Variants in GULP1 observed in about 807,000 individuals in gnomAD.
The protein encoded by GULP1 is GULP PTB domain containing engulfment adaptor 1.
In GULP1, 19 loss-of-function variants were observed where a neutral mutation model predicts 40.9. That is an observed-to-expected ratio of 0.46 (90% CI 0.32 to 0.68). GULP1 has a LOEUF of 0.68. Among genes scored for constraint, GULP1 ranks in the 30% least tolerant of loss-of-function variants. GULP1 has a pLI of 0.03. For synonymous variants in GULP1, 119 were observed against 117.6 expected, an observed-to-expected ratio of 1.01 and a Z score of -0.08; for missense variants, 312 against 362.2, an observed-to-expected ratio of 0.86 and a Z score of 1.12.
chr2:188,595,849 G>A lies in GULP1; in HGVS notation c.*1838G>A, dbSNP rs993012454. The A allele has an allele frequency of 1.3e-5, 2 of 152,190 alleles. No homozygotes were observed. Among genetic ancestry groups the A allele is most frequent in the African/African-American group, 4.8e-5 (2 of 41,398 alleles). The allele number at this position is 152,190 out of a possible 1,614,324, so 9.4% of individuals were successfully genotyped here. A position where few individuals can be genotyped will look rare whatever the true frequency, so the allele number is the denominator to read the frequency against. On this transcript the variant is annotated 3_prime_UTR_variant, in exon 12 of 12. Coordinates refer to ENST00000409830, the MANE Select transcript of GULP1 (RefSeq NM_016315.4). ...TATTTCTCCAGTGCGTTTTTATGAA[G>A]ATCTGGTTGAAAATTGTATTTCTAT... is the stretch of plus-strand genomic sequence containing the variant.
At chr2:188,438,071 T>C (rs2057576608) in intron 2 of GULP1, among the ~76,000 whole-genome samples, 1 of 151,962 alleles carries the variant, frequency 6.6e-6, no homozygotes, top group African/African-American at 2.4e-5. Context: ...TGAACCTAAA[T>C]TAAAAGTTTA....
At chr2:188,308,241 A>G (rs929452079) in intron 1 of GULP1, among the ~76,000 whole-genome samples, 2 of 152,166 alleles carry the variant, frequency 1.3e-5, no homozygotes, top group Non-Finnish European at 2.9e-5. Context: ...GTAACTTAAC[A>G]TCATGGACAG....
intron 1 of GULP1, among the ~76,000 whole-genome samples, chr2:188,348,838 G>A (rs2044061176): frequency 6.6e-6 from 1 of 152,138 alleles, no homozygotes; most frequent in African/African-American, 2.4e-5. Context: ...GATATCGAAG[G>A]ATGACCGTAC....
At chr2:188,570,157 TGGTG>T in intron 9 of GULP1, 37 bp downstream of exon 9, 1 of 856,726 alleles carries the variant, frequency 1.2e-6, no homozygotes, top group Non-Finnish European at 1.9e-6. Flanking sequence ...CAAGATTTTA[TGGTG>T]ATAAAACATC....
At chr2:188,514,512 A>G (rs879930379) in intron 4 of GULP1, among the ~76,000 whole-genome samples, 5 of 152,200 alleles carry the variant, frequency 3.3e-5, no homozygotes, top group Non-Finnish European at 5.9e-5. Flanking sequence ...TGCAGGAACA[A>G]ATATCACTTG....
chr2:188,424,433 A>G (rs999584407), intron 2 of GULP1, among the ~76,000 whole-genome samples: 1 of 151,952 alleles, frequency 6.6e-6, no homozygotes, highest in Non-Finnish European at 1.5e-5. Context: ...GTTCATGTAT[A>G]TGCTCATTTT....
At chr2:188,308,647 A>G (rs754407972) in intron 1 of GULP1, among the ~76,000 whole-genome samples, 2 of 152,144 alleles carry the variant, frequency 1.3e-5, no homozygotes, top group Non-Finnish European at 2.9e-5. Context: ...TGCCAAGATG[A>G]GTTATTAAAG....
chr2:188,369,152 G>T (rs935740405), intron 1 of GULP1, among the ~76,000 whole-genome samples: 1 of 151,040 alleles, frequency 6.6e-6, no homozygotes, highest in African/African-American at 2.4e-5. Flanking sequence ...GTAGAGATGG[G>T]GTTTCACCAT....
In GULP1 at chr2:188,499,968, A is replaced by AT. The variant is rs1457875909; in HGVS notation, c.90+16476_90+16477insT. Among the ~76,000 whole-genome samples, 12 of 151,886 alleles carry AT rather than the reference A, an allele frequency of 7.9e-5. No individual in the cohort carries two copies. In the South Asian group the frequency reaches 2.5e-3, roughly 31 times the overall value. On this transcript the variant is annotated intron_variant, in intron 4 of 11. Transcript: ENST00000409830. ...CCCTATTACCACGTGCTTTTAAAAA[A>AT]ATATATATTTAGTTCTTTTCTGCAC... is the stretch of plus-strand genomic sequence containing the variant.
chr2:188,586,748 T>C (rs1241659323), intron 10 of GULP1, among the ~76,000 whole-genome samples: 1 of 152,080 alleles, frequency 6.6e-6, no homozygotes, highest in Non-Finnish European at 1.5e-5. Flanking sequence ...TATTAACTTA[T>C]TTAATACAAG....
intron 11 of GULP1, 116 bp downstream of exon 11, chr2:188,588,065 G>C (rs768744057): frequency 1.4e-6 from 1 of 718,050 alleles, no homozygotes; most frequent in Admixed American, 2.0e-5. Context: ...ATAAAAACTC[G>C]CTTAAAATAA....
Position 188,547,237 on chromosome 2 carries a change from A to G in GULP1, c.399+5919A>G, listed in dbSNP as rs573514875. 4.6e-5 allele frequency among the ~76,000 whole-genome samples: 7 copies of G among 151,340 alleles called. No individual in the cohort carries two copies. The South Asian group carries it at 1.0e-3, about 23-fold the overall frequency. ...TCTCTGATACCAAAACCAGACTTAG[A>G]CAATGAAAAAAAAAAAAACACTAGA... On this transcript the variant is annotated intron_variant, in intron 7 of 11. Transcript: ENST00000409830.
intron 1 of GULP1, among the ~76,000 whole-genome samples, chr2:188,378,353 T>TA (rs1450810257): frequency 2.6e-5 from 4 of 152,128 alleles, no homozygotes; most frequent in African/African-American, 9.6e-5. Context: ...GGTGGCATGT[T>TA]ACGCCAATAG....
At chr2:188,348,793 T>C (rs1033231082) in intron 1 of GULP1, among the ~76,000 whole-genome samples, 3 of 152,190 alleles carry the variant, frequency 2.0e-5, no homozygotes, top group South Asian at 2.1e-4. Context: ...TGGATTTTGG[T>C]ATCTGTAGGG....
chr2:188,453,711 G>A (rs1453666224), intron 2 of GULP1, among the ~76,000 whole-genome samples: 5 of 152,210 alleles, frequency 3.3e-5, no homozygotes, highest in African/African-American at 1.2e-4. Flanking sequence ...TTGCTCAAAA[G>A]AAAGGATTGC....
chr2:188,408,883 T>A (rs1425009733), intron 2 of GULP1, among the ~76,000 whole-genome samples: 2 of 152,100 alleles, frequency 1.3e-5, no homozygotes, highest in Non-Finnish European at 2.9e-5. Context: ...GAAATAAATA[T>A]GTGGTAATTA....
At chr2:188,551,743 A>G (rs530416968) in intron 7 of GULP1, among the ~76,000 whole-genome samples, 7 of 151,658 alleles carry the variant, frequency 4.6e-5, no homozygotes, top group Non-Finnish European at 1.0e-4. Flanking sequence ...TTTTTTTGAA[A>G]TCTTCATACT....
intron 2 of GULP1, among the ~76,000 whole-genome samples, chr2:188,415,896 T>TA (rs1406418994): frequency 1.3e-5 from 2 of 152,166 alleles, no homozygotes; most frequent in Non-Finnish European, 2.9e-5. Flanking sequence ...TGCAGAGTGA[T>TA]ACAAGTAACC....
chr2:188,391,496 T>A (rs1278041890), intron 2 of GULP1, among the ~76,000 whole-genome samples: 1 of 152,070 alleles, frequency 6.6e-6, no homozygotes, highest in Non-Finnish European at 1.5e-5. Flanking sequence ...TTATCAAATC[T>A]AGGAGTCTTT....
Sources: gnomAD v4.1 joint callset for allele counts (sites outside exome capture counted in the v4.1 genomes callset) on GRCh38, gnomAD v4.1.1 for gene constraint, MANE v1.5 for transcripts, NCBI Gene and HGNC (gene_info 2026-07-23, HGNC 2026-07-21) for gene names.